ADCY1: variants seen among roughly 807,000 people sequenced by gnomAD.
ADCY1 encodes adenylate cyclase 1.
In ADCY1, 28 loss-of-function variants were observed where a neutral mutation model predicts 105.4. The observed-to-expected ratio is 0.27, with a 90% CI of 0.20 to 0.36. The LOEUF (loss-of-function observed/expected upper bound fraction) is 0.36. ADCY1 is among the 10% of genes least tolerant of loss of function. The probability of loss-of-function intolerance (pLI) is 1.00; values close to 1 mark genes in which losing one functional copy is unlikely to be tolerated. For missense variants in ADCY1, 977 were observed against 1,434.2 expected, an observed-to-expected ratio of 0.68 and a Z score of 5.15; for synonymous variants, 655 against 623.8, an observed-to-expected ratio of 1.05 and a Z score of -0.75.
chr7:45,635,618 T>TG (rs1794382982), intron 4 of ADCY1, among the ~76,000 whole-genome samples: 1 of 141,428 alleles, frequency 7.1e-6, no homozygotes, highest in African/African-American at 2.5e-5. Context: ...TTTTTTTTTT[T>TG]TTTTTTTTTT....
intron 4 of ADCY1, among the ~76,000 whole-genome samples, chr7:45,642,694 T>G (rs1328948816): frequency 6.6e-5 from 10 of 152,182 alleles, no homozygotes; most frequent in African/African-American, 2.4e-4. Flanking sequence ...CCTTTTCTTC[T>G]TGCCAGGTTG....
intron 1 of ADCY1, among the ~76,000 whole-genome samples, chr7:45,585,350 C>G (rs1443329908): frequency 6.6e-6 from 1 of 151,842 alleles, no homozygotes; most frequent in East Asian, 1.9e-4. Context: ...TCTGTACTTG[C>G]AGACATCACA....
intron 14 of ADCY1, among the ~76,000 whole-genome samples, chr7:45,695,676 G>C (rs1489247718): frequency 6.6e-6 from 1 of 152,218 alleles, no homozygotes; most frequent in Non-Finnish European, 1.5e-5. Context: ...CTTCAACATA[G>C]AGCAAAAGCT....
Position 45,686,195 on chromosome 7 carries a change from C to T in ADCY1, c.2307C>T (p.Leu769=). The T allele has an allele frequency of 6.2e-7, 1 of 1,614,006 alleles. No individual in the cohort carries two copies. The highest frequency in any genetic ancestry group is 8.5e-7 in the Non-Finnish European group (1 of 1,179,932). Residue 769 remains leucine, a synonymous_variant, in exon 13 of 20, where the codon CTC becomes CTT. Transcript: ENST00000297323. The surrounding 1 kb of genome is among the most constrained non-coding windows in gnomAD (Gnocchi z 4.3). ...CGTCCTACATCCTCGTTCTGGAGCT[C>T]AGCGGATACACCAGGACTGGGTAAG... The part of the protein sequence containing the change: ...LTTSYILVLE[L]SGYTRTGGGA...
At chr7:45,668,794 G>A (rs927376301) in intron 8 of ADCY1, among the ~76,000 whole-genome samples, 11 of 152,118 alleles carry the variant, frequency 7.2e-5, no homozygotes, top group African/African-American at 2.4e-4. Context: ...ATTAATTATT[G>A]CCTCAATTTC....
chr7:45,591,689 T>C lies in ADCY1; in HGVS notation c.640-1070T>C, dbSNP rs2115772419. Among the ~76,000 whole-genome samples the C allele has an allele frequency of 6.6e-6, 1 of 152,360 alleles. No homozygotes were observed. Among genetic ancestry groups the C allele is most frequent in the African/African-American group, 2.4e-5 (1 of 41,588 alleles). ...TGGCAGGACATGCCATGGCCCTGCA[T>C]GGCTCGTCAGAGTTGCCTGTGTCCA... is the stretch of plus-strand genomic sequence containing the variant. On this transcript the variant is annotated intron_variant, in intron 1 of 19. Coordinates refer to ENST00000297323, the MANE Select transcript of ADCY1 (RefSeq NM_021116.4). This position sits in a 1 kb window ranked among gnomAD's most constrained non-coding sequence, Gnocchi z 4.1.
chr7:45,637,491 G>T (rs1437708238), intron 4 of ADCY1, among the ~76,000 whole-genome samples: 1 of 152,212 alleles, frequency 6.6e-6, no homozygotes, highest in Non-Finnish European at 1.5e-5. Flanking sequence ...GGAAACTGAG[G>T]TGGGAGGATC....
At chr7:45,683,432 C>T (rs1030245605) in intron 11 of ADCY1, among the ~76,000 whole-genome samples, 18 of 152,110 alleles carry the variant, frequency 1.2e-4, no homozygotes, top group African/African-American at 4.3e-4. Context: ...ACCATTGTCC[C>T]TCAGGGCTGT....
Position 45,710,688 on chromosome 7 carries a change from C to T in ADCY1, c.3057+36C>T. The T allele has an allele frequency of 6.3e-7, 1 of 1,588,530 alleles. No homozygotes were observed. The highest frequency in any genetic ancestry group is 2.3e-5 in the East Asian group (1 of 43,986). On this transcript the variant is annotated intron_variant, in intron 19 of 19. Transcript: ENST00000297323. The surrounding 1 kb of genome is among the most constrained non-coding windows in gnomAD (Gnocchi z 4.7). ...CAAGAAACCCCTAAGGCATGGGTGC[C>T]CATTCTTCAGGTGAGGAAACTGAGG...
At chr7:45,658,029 A>C in intron 6 of ADCY1, 144 bp downstream of exon 6, 1 of 966,656 alleles carries the variant, frequency 1.0e-6, no homozygotes. Flanking sequence ...TCCCAGCCGC[A>C]CCTGCCAACC....
intron 10 of ADCY1, 78 bp from the exon 11 acceptor site, chr7:45,679,631 G>A: frequency 1.4e-6 from 2 of 1,446,338 alleles, no homozygotes; most frequent in East Asian, 2.3e-5. Context: ...GGAGGGAGGG[G>A]CCAATTCTCA....
chr7:45,583,102 G>T (rs1792608909), intron 1 of ADCY1, among the ~76,000 whole-genome samples: 2 of 152,356 alleles, frequency 1.3e-5, no homozygotes, highest in Middle Eastern at 6.8e-3. Context: ...TCTGGGTGGG[G>T]CCTCTGTATG....
intron 4 of ADCY1, among the ~76,000 whole-genome samples, chr7:45,631,747 G>C (rs1368942088): frequency 6.6e-6 from 1 of 152,180 alleles, no homozygotes; most frequent in East Asian, 1.9e-4. Context: ...AAACTCACAT[G>C]AGAAAGATAC....
chr7:45,593,016 A>G (rs1792969876), intron 2 of ADCY1, 108 bp downstream of exon 2: 1 of 1,438,226 alleles, frequency 7.0e-7, no homozygotes, highest in South Asian at 1.3e-5. Flanking sequence ...ATGGGCCACA[A>G]TTCCCATTGG....
At chr7:45,704,314 T>C (rs538167917) in intron 16 of ADCY1, among the ~76,000 whole-genome samples, 1 of 151,996 alleles carries the variant, frequency 6.6e-6, no homozygotes, top group Non-Finnish European at 1.5e-5. Flanking sequence ...AGCTCACCTG[T>C]TGGGGACAGG....
intron 7 of ADCY1, among the ~76,000 whole-genome samples, chr7:45,660,561 C>T (rs1315311040): frequency 2.0e-5 from 3 of 152,220 alleles, no homozygotes; most frequent in African/African-American, 7.2e-5. Flanking sequence ...GGGCTGTTAC[C>T]GTCTTACATG....
chr7:45,712,949 C>T (rs907547409), intron 19 of ADCY1, among the ~76,000 whole-genome samples: 7 of 152,146 alleles, frequency 4.6e-5, no homozygotes, highest in East Asian at 1.9e-4. Context: ...TGCTGCCCTC[C>T]GTATGCTGGT....
intron 8 of ADCY1, among the ~76,000 whole-genome samples, chr7:45,662,468 C>G (rs1316599862): frequency 1.3e-5 from 2 of 152,170 alleles, no homozygotes; most frequent in Non-Finnish European, 2.9e-5. Context: ...TCCATAAATT[C>G]AAGCTAAAAT....
rs568589402 is a variant in ADCY1, at chr7:45,703,453, C to T, written c.2532C>T (p.His844=). 27 of 1,614,014 alleles carry T rather than the reference C, an allele frequency of 1.7e-5. No homozygotes were observed. Among genetic ancestry groups the T allele is most frequent in the Admixed American group, 5.0e-5 (3 of 60,002 alleles). Residue 844 remains histidine (H), a synonymous_variant, in exon 15 of 20, where the codon CAC becomes CAT. Coordinates refer to ENST00000297323, the MANE Select transcript of ADCY1 (RefSeq NM_021116.4). The surrounding 1 kb of genome is among the most constrained non-coding windows in gnomAD (Gnocchi z 5.9). ...TCCTCTTCAACCTCCTGCCGGCCCACGTCGCCCAGCACTTCCTCATGTCCA... is the reference window on the plus strand; with the variant it reads ...TCCTCTTCAACCTCCTGCCGGCCCATGTCGCCCAGCACTTCCTCATGTCCA... ...RRILFNLLPA[H]VAQHFLMSNP... is the part of the protein sequence containing the mutation.
Sources: gnomAD v4.1 joint callset for allele counts (sites outside exome capture counted in the v4.1 genomes callset) on GRCh38, gnomAD v4.1.1 for gene constraint, Gnocchi (gnomAD v3.1) non-coding constraint, MANE v1.5 for transcripts, NCBI Gene and HGNC (gene_info 2026-07-23, HGNC 2026-07-21) for gene names.